MECOM: variants seen among roughly 807,000 people sequenced by gnomAD.
The protein encoded by MECOM is MDS1 and EVI1 complex locus, also known as histone-lysine N-methyltransferase MECOM.
Under a neutral mutation model 116.3 loss-of-function variants are expected in MECOM, and 13 were observed. That is an observed-to-expected ratio of 0.11 (90% confidence interval 0.07 to 0.18). The LOEUF (loss-of-function observed/expected upper bound fraction) is 0.18, where lower values mean the gene tolerates loss of function less well. Among genes scored for constraint, MECOM ranks in the 10% least tolerant of loss-of-function variants. The pLI is 1.00. For missense variants in MECOM, 1,299 were observed against 1,509.0 expected (o/e 0.86, Z 2.31); for synonymous variants, 528 against 535.2 (o/e 0.99, Z 0.19).
intron 2 of MECOM, among the ~76,000 whole-genome samples, chr3:169,272,179 A>C (rs1759028832): frequency 1.3e-5 from 2 of 152,178 alleles, no homozygotes. Flanking sequence ...GGCAGGGTGA[A>C]TTCACACTGT....
At chr3:169,536,347 CTTT>C (rs10634392) in intron 1 of MECOM, among the ~76,000 whole-genome samples, 17 of 116,102 alleles carry the variant, frequency 1.5e-4, no homozygotes, top group Admixed American at 3.5e-4. Flanking sequence ...AATGTCTCTC[CTTT>C]TTTTTTTTTT....
At chr3:169,527,883 TC>T (rs1328082992) in intron 1 of MECOM, among the ~76,000 whole-genome samples, 4 of 152,350 alleles carry the variant, frequency 2.6e-5, no homozygotes, top group African/African-American at 9.6e-5. Flanking sequence ...ATACGGGCTC[TC>T]TCTCTTCTTT....
At chr3:169,337,936 G>C (rs1037198675) in intron 2 of MECOM, among the ~76,000 whole-genome samples, 3 of 152,116 alleles carry the variant, frequency 2.0e-5, no homozygotes. Flanking sequence ...TCTGTCCTTT[G>C]TGACTAATTT....
chr3:169,576,332 C>A (rs148108106), intron 1 of MECOM, among the ~76,000 whole-genome samples: 2 of 152,012 alleles, frequency 1.3e-5, no homozygotes, highest in Non-Finnish European at 2.9e-5. Flanking sequence ...ACATATTTAA[C>A]GCATCAAAAA....
At position 169,116,299 on chromosome 3, in the gene MECOM, G is replaced by T. The variant is rs1346219840; in HGVS notation, c.1573C>A (p.Gln525Lys). 1 of 1,614,222 alleles carries T rather than the reference G, an allele frequency of 6.2e-7. No individual in the cohort carries two copies. The highest frequency in any genetic ancestry group is 8.5e-7 in the Non-Finnish European group (1 of 1,180,042). ...TGAGGATGTGTCATGAGGGGACTTTGACTTTTGTTTGTCTGTTCAGTACTT... is the reference window on the plus strand; with the variant it reads ...TGAGGATGTGTCATGAGGGGACTTTTACTTTTGTTTGTCTGTTCAGTACTT... ...LSSTEQTNKS[Q>K]SPLMTHPQIL... Residue 525 changes from glutamine to lysine, a missense_variant, in exon 8 of 17, where the codon CAA becomes AAA. Transcript: ENST00000651503.
chr3:169,603,375 A>T (rs918168621), intron 1 of MECOM, among the ~76,000 whole-genome samples: 2 of 152,244 alleles, frequency 1.3e-5, no homozygotes, highest in Non-Finnish European at 2.9e-5. Flanking sequence ...GTCAAAGTTT[A>T]AAAAGTTTAC....
intron 2 of MECOM, among the ~76,000 whole-genome samples, chr3:169,342,763 A>C (rs1724752466): frequency 1.3e-5 from 2 of 152,180 alleles, no homozygotes; most frequent in South Asian, 4.1e-4. Context: ...TGCACTACTA[A>C]AAGTCTCGAG....
chr3:169,339,751 A>G (rs1199661435), intron 2 of MECOM, among the ~76,000 whole-genome samples: 2 of 152,182 alleles, frequency 1.3e-5, no homozygotes, highest in African/African-American at 2.4e-5. Context: ...GTAAAAAATG[A>G]CATTTAAAAA....
intron 2 of MECOM, among the ~76,000 whole-genome samples, chr3:169,211,171 A>G (rs759655598): frequency 6.6e-6 from 1 of 152,126 alleles, no homozygotes; most frequent in South Asian, 2.1e-4. Context: ...AGAAACTTCT[A>G]AACTATTTCC....
At chr3:169,578,834 G>A (rs1048657929) in intron 1 of MECOM, among the ~76,000 whole-genome samples, 1 of 152,156 alleles carries the variant, frequency 6.6e-6, no homozygotes, top group Non-Finnish European at 1.5e-5. Context: ...ATACCCACCT[G>A]TCTAGTTGCT....
chr3:169,252,774 G>A (rs1434474450), intron 2 of MECOM, among the ~76,000 whole-genome samples: 1 of 152,116 alleles, frequency 6.6e-6, no homozygotes, highest in Non-Finnish European at 1.5e-5. Context: ...TTTTAGAAAG[G>A]CAAAGCCCCA....
chr3:169,097,757 C>A (rs1722079868), intron 12 of MECOM, among the ~76,000 whole-genome samples: 1 of 139,400 alleles, frequency 7.2e-6, no homozygotes, highest in South Asian at 2.2e-4. Flanking sequence ...CGTGGGAGAA[C>A]TGCTTGAAGC....
intron 2 of MECOM, among the ~76,000 whole-genome samples, chr3:169,211,573 A>G (rs986049027): frequency 8.5e-5 from 13 of 152,164 alleles, no homozygotes; most frequent in Non-Finnish European, 1.9e-4. Context: ...ACAGATTTGC[A>G]TGGCTCAAAC....
intron 2 of MECOM, among the ~76,000 whole-genome samples, chr3:169,331,272 C>A (rs550940375): frequency 6.6e-6 from 1 of 152,196 alleles, no homozygotes; most frequent in African/African-American, 2.4e-5. Flanking sequence ...TATATTGTTA[C>A]TTTAAGCTCC....
chr3:169,156,326 C>A (rs117655934), intron 2 of MECOM, among the ~76,000 whole-genome samples: 2 of 152,176 alleles, frequency 1.3e-5, no homozygotes, highest in Non-Finnish European at 2.9e-5. Flanking sequence ...AAGCCTCTCT[C>A]CTCTTCCACT....
At chr3:169,626,517 C>T (rs962989107) in intron 1 of MECOM, among the ~76,000 whole-genome samples, 6 of 152,182 alleles carry the variant, frequency 3.9e-5, no homozygotes, top group Non-Finnish European at 7.3e-5. Context: ...AAAAGAGCCT[C>T]GACTGATCTC....
chr3:169,269,826 T>G (rs981498813), intron 2 of MECOM, among the ~76,000 whole-genome samples: 3 of 152,204 alleles, frequency 2.0e-5, no homozygotes, highest in African/African-American at 7.2e-5. Context: ...TTTAATTACA[T>G]AAACACCTTT....
intron 2 of MECOM, among the ~76,000 whole-genome samples, chr3:169,235,593 A>G (rs1753941038): frequency 6.6e-6 from 1 of 152,126 alleles, no homozygotes; most frequent in Non-Finnish European, 1.5e-5. Context: ...AAAATAACCA[A>G]ATAAATGATA....
At chr3:169,413,617 T>C (rs900170654) in intron 1 of MECOM, among the ~76,000 whole-genome samples, 2 of 151,932 alleles carry the variant, frequency 1.3e-5, no homozygotes, top group Admixed American at 6.6e-5. Flanking sequence ...CCATGGAGCA[T>C]AGCAAGCTAA....
Sources: gnomAD v4.1 joint callset for allele counts (sites outside exome capture counted in the v4.1 genomes callset) on GRCh38, gnomAD v4.1.1 for gene constraint, MANE v1.5 for transcripts, NCBI Gene and HGNC (gene_info 2026-07-23, HGNC 2026-07-21) for gene names.